Variants in EMID1 observed in about 807,000 individuals in gnomAD.
EMID1 encodes the protein EMI domain containing 1, also known as EMI domain-containing protein 1.
Under a neutral mutation model 60.6 loss-of-function variants are expected in EMID1, and 40 were observed. That is an observed-to-expected ratio of 0.66 (90% CI 0.51 to 0.86). The LOEUF (loss-of-function observed/expected upper bound fraction) is 0.86. Ranked by LOEUF, EMID1 falls within the 40% of genes least tolerant of loss-of-function variation. The probability of loss-of-function intolerance (pLI) is 0.00; values close to 1 mark genes in which losing one functional copy is unlikely to be tolerated. For synonymous variants in EMID1, 242 were observed against 231.0 expected (o/e 1.05, Z -0.43); for missense variants, 585 against 597.1 (o/e 0.98, Z 0.21).
intron 13 of EMID1, among the ~76,000 whole-genome samples, chr22:29,243,832 C>T (rs1275241909): frequency 2.6e-5 from 4 of 152,354 alleles, no homozygotes; most frequent in Non-Finnish European, 4.4e-5. Context: ...CATCCCCTGC[C>T]TCCATAGCCC....
chr22:29,237,946 G>T (rs62227043), intron 12 of EMID1, among the ~76,000 whole-genome samples: 1 of 143,738 alleles, frequency 7.0e-6, no homozygotes, highest in Non-Finnish European at 1.5e-5. Context: ...TAAGTGCTCC[G>T]CTGAAGAACT....
chr22:29,251,799 G>A (rs1214493253), intron 13 of EMID1, among the ~76,000 whole-genome samples: 1 of 152,070 alleles, frequency 6.6e-6, no homozygotes, highest in Admixed American at 6.6e-5. Context: ...CAAGTAACTA[G>A]GACTATAGGT....
chr22:29,240,829 T>C (rs894686405), intron 12 of EMID1, among the ~76,000 whole-genome samples: 1 of 152,174 alleles, frequency 6.6e-6, no homozygotes, highest in Non-Finnish European at 1.5e-5. Context: ...GGACGCACTT[T>C]CTCTCTCAAA....
intron 2 of EMID1, 55 bp from the exon 3 acceptor site, chr22:29,215,472 T>C: frequency 1.3e-6 from 2 of 1,540,998 alleles, no homozygotes; most frequent in Admixed American, 3.4e-5. Context: ...TCCAGGGCAG[T>C]GGGAGAGGTC....
intron 6 of EMID1, 29 bp from the exon 7 acceptor site, chr22:29,231,564 C>T (rs537945996): frequency 6.5e-7 from 1 of 1,547,968 alleles, no homozygotes; most frequent in East Asian, 2.4e-5. Flanking sequence ...AGATGTGGAG[C>T]TGCCAGTCTG....
chr22:29,208,667 T>G (rs2039769331), intron 1 of EMID1, among the ~76,000 whole-genome samples: 1 of 152,170 alleles, frequency 6.6e-6, no homozygotes. Context: ...CCTGGGTAGG[T>G]GCTTTCTCTT....
At chr22:29,248,755 C>T (rs1357299180) in intron 13 of EMID1, among the ~76,000 whole-genome samples, 6 of 152,004 alleles carry the variant, frequency 3.9e-5, no homozygotes, top group South Asian at 4.1e-4. Context: ...GTGGGAGGAT[C>T]GCTTGAGCCG....
rs149148123 is a variant in EMID1, at chr22:29,221,132, G to T, written c.320-4001G>T. On this transcript the variant is annotated intron_variant, in intron 3 of 14. Transcript: ENST00000334018. ...GTGTGTGTGTGTGTGTGTAGGGCACGTGAGGGCCTCCCAGATGGTGGGAAG... is the reference window on the plus strand; with the variant it reads ...GTGTGTGTGTGTGTGTGTAGGGCACTTGAGGGCCTCCCAGATGGTGGGAAG... 1.7e-3 allele frequency among the ~76,000 whole-genome samples: 246 copies of T among 147,754 alleles called. 2 individuals carry two copies. The highest frequency in any genetic ancestry group is 6.0e-3 in the African/African-American group (238 of 39,900).
At position 29,215,031 on chromosome 22, in the gene EMID1, G is replaced by C. The variant is rs367634074; in HGVS notation, c.207G>C (p.Pro69=). 2 of 1,537,456 alleles carry C rather than the reference G, an allele frequency of 1.3e-6. No individual in the cohort carries two copies. Among genetic ancestry groups the C allele is most frequent in the African/African-American group, 1.4e-5 (1 of 72,906 alleles). ...LQNCPWPMSC[P]GSSYRTVVRP... is the part of the protein sequence containing the mutation. ...ACTGCCCCTGGCCCATGAGCTGTCC[G>C]GGGAGCAGGTAAATGAGGTGGAGAA... The change falls in exon 2 of 15, where the codon CCG becomes CCC. Residue 69 remains proline (P), a synonymous_variant. Transcript: ENST00000334018.
In EMID1 at chr22:29,233,616, C is replaced by T; in HGVS notation, c.916C>T (p.Pro306Ser). Residue 306 changes from proline (P) to serine (S), a missense_variant and splice_region_variant, in exon 10 of 15, where the codon CCC becomes TCC. Coordinates refer to ENST00000334018, the MANE Select transcript of EMID1 (RefSeq NM_133455.4). ...TAGGACATCCTGTCTTTTTCCAGGT[C>T]CCCCTGGGCCTCCTGGCCCCACAGG... Reference protein sequence around the residue: ...GPPGPPGPMGPPGPPGPTGVP... With the variant: ...GPPGPPGPMGSPGPPGPTGVP... 2 of 1,613,470 alleles carry T rather than the reference C, an allele frequency of 1.2e-6. No individual in the cohort carries two copies. The highest frequency in any genetic ancestry group is 8.5e-7 in the Non-Finnish European group (1 of 1,179,524).
At chr22:29,225,593 C>T (rs182138540) in intron 4 of EMID1, among the ~76,000 whole-genome samples, 16 of 152,318 alleles carry the variant, frequency 1.1e-4, no homozygotes, top group Admixed American at 9.1e-4. Context: ...GTTCACTGCC[C>T]GCCCATTGTC....
chr22:29,249,884 G>A (rs971667541), intron 13 of EMID1, among the ~76,000 whole-genome samples: 8 of 152,060 alleles, frequency 5.3e-5, no homozygotes, highest in Non-Finnish European at 1.2e-4. Flanking sequence ...CAAAGTGCTG[G>A]GACTACAGGT....
intron 1 of EMID1, among the ~76,000 whole-genome samples, chr22:29,206,637 A>G (rs2039668091): frequency 6.6e-6 from 1 of 152,180 alleles, no homozygotes; most frequent in South Asian, 2.1e-4. Context: ...GAGATACCCC[A>G]GGGACCTGGC....
chr22:29,223,630 A>C (rs1221408637), intron 3 of EMID1, among the ~76,000 whole-genome samples: 1 of 152,212 alleles, frequency 6.6e-6, no homozygotes, highest in Non-Finnish European at 1.5e-5. Context: ...TGTCCCGTGG[A>C]CAACTGATGC....
In EMID1 at chr22:29,231,750, C is replaced by T. The variant is rs2040757717; in HGVS notation, c.676+68C>T. 5.8e-6 allele frequency: 8 copies of T among 1,379,512 alleles called. No individual in the cohort carries two copies. The South Asian group carries it at 1.1e-4, about 19-fold the overall frequency. 85.5% of individuals were successfully genotyped at this position (1,379,512 alleles called of 1,614,324 possible). A position where few individuals can be genotyped will look rare whatever the true frequency, so the allele number is the denominator to read the frequency against. The stretch of plus-strand genomic sequence containing the variant: ...CCTCCACCAGGTGGGCCCTTCCCTG[C>T]TCCTGACATGGCCAGGATGACCTGG... On this transcript the variant is annotated intron_variant, in intron 7 of 14. Coordinates refer to ENST00000334018, the MANE Select transcript of EMID1 (RefSeq NM_133455.4).
At chr22:29,215,924 C>G (rs2040065449) in intron 3 of EMID1, among the ~76,000 whole-genome samples, 1 of 152,190 alleles carries the variant, frequency 6.6e-6, no homozygotes, top group Non-Finnish European at 1.5e-5. Flanking sequence ...CGGGGAAAAC[C>G]CATCCAGACA....
chr22:29,219,672 C>T (rs555809771), intron 3 of EMID1, among the ~76,000 whole-genome samples: 1 of 152,216 alleles, frequency 6.6e-6, no homozygotes, highest in East Asian at 1.9e-4. Context: ...GTCCTGGTTA[C>T]TCAGGAGGCT....
chr22:29,218,531 C>T (rs1272477054), intron 3 of EMID1, among the ~76,000 whole-genome samples: 1 of 152,152 alleles, frequency 6.6e-6, no homozygotes, highest in Non-Finnish European at 1.5e-5. Context: ...AGCTTCTGTG[C>T]CCCCAGGCCT....
intron 10 of EMID1, chr22:29,233,922 A>C: frequency 3.0e-6 from 2 of 665,216 alleles, no homozygotes; most frequent in Non-Finnish European, 5.0e-6. Context: ...TTCTTGTGCC[A>C]GCACATGGCA....
Sources: allele counts gnomAD v4.1 joint callset (sites outside exome capture counted in the v4.1 genomes callset), GRCh38; gene constraint gnomAD v4.1.1; transcripts MANE v1.5; gene names NCBI Gene and HGNC (gene_info 2026-07-23, HGNC 2026-07-21).